Variants in MGAT5 observed in about 807,000 individuals in gnomAD.
MGAT5 encodes alpha-1,6-mannosylglycoprotein 6-beta-N-acetylglucosaminyltransferase.
MGAT5 carries 30 observed loss-of-function variants against 94.3 expected under a neutral mutation model. The observed-to-expected ratio is 0.32, with a 90% CI of 0.24 to 0.43. The LOEUF (loss-of-function observed/expected upper bound fraction) is 0.43. Ranked by LOEUF, MGAT5 falls within the 20% of genes least tolerant of loss-of-function variation. The probability of loss-of-function intolerance (pLI) is 1.00; values close to 1 mark genes in which losing one functional copy is unlikely to be tolerated. For synonymous variants in MGAT5, 310 were observed against 322.9 expected (o/e 0.96, Z 0.43); for missense variants, 691 against 905.5 (o/e 0.76, Z 3.04).
chr2:134,433,741 G>C (rs966129121), intron 14 of MGAT5, among the ~76,000 whole-genome samples: 1 of 151,990 alleles, frequency 6.6e-6, no homozygotes, highest in African/African-American at 2.4e-5. Flanking sequence ...TTTCTCAGCT[G>C]TAACACAGAT....
At chr2:134,245,490 A>G (rs897118335) in intron 1 of MGAT5, among the ~76,000 whole-genome samples, 32 of 152,162 alleles carry the variant, frequency 2.1e-4, no homozygotes, top group African/African-American at 7.0e-4. Context: ...CCTGCCAGTA[A>G]TGTGCACATC....
At chr2:134,176,848 C>G (rs1688491604) in intron 1 of MGAT5, among the ~76,000 whole-genome samples, 1 of 152,094 alleles carries the variant, frequency 6.6e-6, no homozygotes, top group Admixed American at 6.6e-5. Flanking sequence ...GGTCTCAGCT[C>G]TTTTCTGCCT....
intron 1 of MGAT5, among the ~76,000 whole-genome samples, chr2:134,216,482 T>C (rs917157975): frequency 6.6e-6 from 1 of 152,228 alleles, no homozygotes; most frequent in Non-Finnish European, 1.5e-5. Context: ...TTCCTTACCA[T>C]GGAGTCCAGG....
At chr2:134,152,308 T>C (rs1372952737) in intron 1 of MGAT5, among the ~76,000 whole-genome samples, 3,535 of 93,882 alleles carry the variant, frequency 0.038, 816 homozygotes, top group South Asian at 0.054. Flanking sequence ...TGGGACCCGC[T>C]TATCACTCAC....
chr2:134,239,821 A>G (rs1397651394), intron 1 of MGAT5, among the ~76,000 whole-genome samples: 1 of 152,174 alleles, frequency 6.6e-6, no homozygotes, highest in Non-Finnish European at 1.5e-5. Flanking sequence ...AGATAAAAAT[A>G]CATTTACCAT....
chr2:134,164,655 A>G (rs1005357574), intron 1 of MGAT5, among the ~76,000 whole-genome samples: 1 of 152,164 alleles, frequency 6.6e-6, no homozygotes, highest in African/African-American at 2.4e-5. Context: ...CTTACTAGTT[A>G]GTATTCTATA....
intron 10 of MGAT5, among the ~76,000 whole-genome samples, chr2:134,378,665 G>C (rs1681346652): frequency 1.5e-5 from 2 of 136,830 alleles, no homozygotes; most frequent in African/African-American, 5.5e-5. Context: ...GCCCAGGCTT[G>C]TGTACAGTGG....
intron 1 of MGAT5, among the ~76,000 whole-genome samples, chr2:134,168,369 T>G (rs1049985034): frequency 6.6e-6 from 1 of 152,152 alleles, no homozygotes; most frequent in Non-Finnish European, 1.5e-5. Flanking sequence ...TGGGACAGAT[T>G]TTGATTTTAT....
At chr2:134,375,482 T>C (rs1310214592) in intron 10 of MGAT5, among the ~76,000 whole-genome samples, 1 of 152,214 alleles carries the variant, frequency 6.6e-6, no homozygotes. Flanking sequence ...GCTACAACTG[T>C]TTGCCTTTGT....
At chr2:134,218,702 G>A (rs577374229) in intron 1 of MGAT5, among the ~76,000 whole-genome samples, 1 of 152,150 alleles carries the variant, frequency 6.6e-6, no homozygotes, top group Non-Finnish European at 1.5e-5. Flanking sequence ...CATTTTATCA[G>A]CCAAAGCAAG....
At chr2:134,314,472 G>A (rs997471939) in intron 2 of MGAT5, among the ~76,000 whole-genome samples, 3 of 152,162 alleles carry the variant, frequency 2.0e-5, no homozygotes, top group Non-Finnish European at 4.4e-5. Flanking sequence ...CAGTCAGATG[G>A]CACTTAGTGT....
chr2:134,179,186 T>A (rs978209744), intron 1 of MGAT5, among the ~76,000 whole-genome samples: 7 of 152,160 alleles, frequency 4.6e-5, no homozygotes, highest in Non-Finnish European at 4.4e-5. Context: ...TGCCTTTTTT[T>A]AAAAAAGTGA....
At chr2:134,220,903 T>C (rs1680729636) in intron 1 of MGAT5, among the ~76,000 whole-genome samples, 1 of 152,200 alleles carries the variant, frequency 6.6e-6, no homozygotes, top group Admixed American at 6.5e-5. Context: ...GTTTTTCACC[T>C]CAGTACTCCA....
chr2:134,368,535 G>A (rs1004404502), intron 10 of MGAT5, among the ~76,000 whole-genome samples: 3 of 152,114 alleles, frequency 2.0e-5, no homozygotes, highest in African/African-American at 7.2e-5. Flanking sequence ...TTTCCTATAT[G>A]CCTGAGAAAT....
In MGAT5 at chr2:134,454,545, A is replaced by G. The variant is rs1686271736; in HGVS notation, c.*5698A>G. The G allele has an allele frequency of 6.6e-6, 1 of 152,218 alleles. No homozygotes were observed. The highest frequency in any genetic ancestry group is 1.5e-5 in the Non-Finnish European group (1 of 68,046). The allele number at this position is 152,218 out of a possible 1,614,324, so 9.4% of individuals were successfully genotyped here. A position where few individuals can be genotyped will look rare whatever the true frequency, so the allele number is the denominator to read the frequency against. ...GTCCAAATGTACTGTCCTGGCATAG[A>G]GAGCACTGCTTTGTTTTCCACTGTT... On this transcript the variant is annotated 3_prime_UTR_variant, in exon 16 of 16. Transcript: ENST00000281923.
chr2:134,422,901 A>G lies in MGAT5; in HGVS notation c.1776A>G (p.Lys592=). The G allele has an allele frequency of 6.2e-7, 1 of 1,613,382 alleles. No individual in the cohort carries two copies. The highest frequency in any genetic ancestry group is 8.5e-7 in the Non-Finnish European group (1 of 1,179,346). Residue 592 remains lysine, a synonymous_variant, in exon 13 of 16, where the codon AAA becomes AAG. Coordinates refer to ENST00000281923, the MANE Select transcript of MGAT5 (RefSeq NM_002410.5). ...NNQEEVEDAV[K]AILNQKIEPY... is the part of the protein sequence containing the mutation. ...AGGAGGAAGTAGAGGATGCAGTGAA[A>G]GCAATTTTAAATCAGAAGGTTGGTT...
chr2:134,153,676 C>T (rs905958364), intron 1 of MGAT5, among the ~76,000 whole-genome samples: 5 of 152,230 alleles, frequency 3.3e-5, no homozygotes, highest in Non-Finnish European at 5.9e-5. Context: ...CTTGCTGTCT[C>T]GGAGGAGTTT....
At chr2:134,194,290 G>C (rs573082777) in intron 1 of MGAT5, among the ~76,000 whole-genome samples, 2 of 152,144 alleles carry the variant, frequency 1.3e-5, no homozygotes, top group South Asian at 2.1e-4. Flanking sequence ...TGCAATGATG[G>C]CTTTAAAATA....
intron 15 of MGAT5, among the ~76,000 whole-genome samples, chr2:134,443,532 C>T (rs1328163882): frequency 6.6e-6 from 1 of 152,086 alleles, no homozygotes; most frequent in Non-Finnish European, 1.5e-5. Context: ...TATGAGAAGA[C>T]CCAGGCACAG....
Sources: allele counts gnomAD v4.1 joint callset (sites outside exome capture counted in the v4.1 genomes callset), GRCh38; gene constraint gnomAD v4.1.1; transcripts MANE v1.5; gene names NCBI Gene and HGNC (gene_info 2026-07-23, HGNC 2026-07-21).